The following SEC14L1 variants were observed in gnomAD, a reference collection of about 807,000 sequenced individuals.
The protein encoded by SEC14L1 is SEC14-like protein 1.
A neutral mutation model predicts 85.3 loss-of-function variants in SEC14L1; 48 were observed. The ratio of observed to expected loss-of-function variants is 0.56; its 90% CI spans 0.45 to 0.72. SEC14L1 has a LOEUF of 0.72. Ranked by LOEUF, SEC14L1 falls within the 30% of genes least tolerant of loss-of-function variation. SEC14L1 has a pLI of 0.00. For synonymous variants in SEC14L1, 391 were observed against 355.5 expected, an observed-to-expected ratio of 1.10 and a Z score of -1.12; for missense variants, 682 against 921.4, an observed-to-expected ratio of 0.74 and a Z score of 3.36.
chr17:77,211,453 A>G (rs1598407240), intron 14 of SEC14L1: 1 of 159,988 alleles, frequency 6.3e-6, no homozygotes, highest in Non-Finnish European at 1.4e-5. Flanking sequence ...CATCCCGCTC[A>G]CCCAGCCTCG....
intron 3 of SEC14L1, among the ~76,000 whole-genome samples, chr17:77,186,281 G>A (rs1975262260): frequency 1.3e-5 from 2 of 152,096 alleles, no homozygotes; most frequent in Admixed American, 6.5e-5. Flanking sequence ...GGGGGCTGTG[G>A]GTCCTGCCGC....
chr17:77,113,019 C>T (rs1479615042), intron 3 of SEC14L1, among the ~76,000 whole-genome samples: 1 of 151,804 alleles, frequency 6.6e-6, no homozygotes, highest in African/African-American at 2.4e-5. Flanking sequence ...ATTAATCAGG[C>T]ATAGTGACAT....
chr17:77,168,473 A>G (rs1407276536), intron 3 of SEC14L1, among the ~76,000 whole-genome samples: 2 of 152,218 alleles, frequency 1.3e-5, no homozygotes, highest in Non-Finnish European at 2.9e-5. Flanking sequence ...CCTACATATG[A>G]GTACACCTGT....
At chr17:77,156,795 C>A (rs1242283929) in intron 3 of SEC14L1, among the ~76,000 whole-genome samples, 1 of 152,010 alleles carries the variant, frequency 6.6e-6, no homozygotes, top group South Asian at 2.1e-4. Flanking sequence ...TGATGCAAAT[C>A]ATGTTTTGTG....
In SEC14L1 at chr17:77,171,213, T is replaced by C. The variant is rs143175543; in HGVS notation, c.64-19590T>C. Among the ~76,000 whole-genome samples, 1,246 of 152,314 alleles carry C rather than the reference T, an allele frequency of 8.2e-3. 11 individuals carry two copies. Among genetic ancestry groups the C allele is most frequent in the Middle Eastern group, 0.014 (4 of 294 alleles). ...TCCGAGAGCGGCATCACACATAGCC[T>C]GGGGACCCCAGTGAGTTCCTTGATG... On this transcript the variant is annotated intron_variant, in intron 3 of 16. Coordinates refer to ENST00000436233, the MANE Select transcript of SEC14L1 (RefSeq NM_001143998.2).
chr17:77,191,428 A>G (rs997030763), intron 5 of SEC14L1, 116 bp downstream of exon 5: 15 of 1,105,928 alleles, frequency 1.4e-5, no homozygotes, highest in Middle Eastern at 4.0e-4. Context: ...TCTTCATTAG[A>G]TGTTGTCACT....
At chr17:77,126,539 T>A (rs1256014297) in intron 3 of SEC14L1, among the ~76,000 whole-genome samples, 1 of 152,180 alleles carries the variant, frequency 6.6e-6, no homozygotes, top group Non-Finnish European at 1.5e-5. Flanking sequence ...TAAACTCAGG[T>A]TGCCAGAATC....
chr17:77,123,199 G>T (rs547517137), intron 3 of SEC14L1, among the ~76,000 whole-genome samples: 21 of 150,794 alleles, frequency 1.4e-4, no homozygotes, highest in South Asian at 1.3e-3. Context: ...ACAGGTGCTC[G>T]CCACCATGCC....
chr17:77,192,297 C>T (rs968583121), intron 5 of SEC14L1, among the ~76,000 whole-genome samples: 1 of 152,224 alleles, frequency 6.6e-6, no homozygotes. Flanking sequence ...TGCTGTATTT[C>T]TGCCCTTCTC....
chr17:77,199,353 G>GTCCTCACTCCAGGTGATGCTTTTGT (rs1975995433), intron 8 of SEC14L1: 1 of 159,816 alleles, frequency 6.3e-6, no homozygotes, highest in Non-Finnish European at 1.4e-5. Flanking sequence ...CCATCAGTGT[G>GTCCTCACTCCAGGTGATGCTTTTGT]TCCTCACTCC....
chr17:77,191,958 G>A (rs1475812963), intron 5 of SEC14L1, among the ~76,000 whole-genome samples: 3 of 151,814 alleles, frequency 2.0e-5, no homozygotes, highest in East Asian at 1.9e-4. Flanking sequence ...CACCACGCCC[G>A]GCTAATTTTT....
At chr17:77,182,286 C>T (rs1455619448) in intron 3 of SEC14L1, among the ~76,000 whole-genome samples, 1 of 152,120 alleles carries the variant, frequency 6.6e-6, no homozygotes, top group African/African-American at 2.4e-5. Context: ...TTCTTTAGCA[C>T]AGTACTAGCT....
intron 3 of SEC14L1, among the ~76,000 whole-genome samples, chr17:77,114,161 G>A (rs1002494250): frequency 6.6e-6 from 1 of 151,964 alleles, no homozygotes; most frequent in Non-Finnish European, 1.5e-5. Flanking sequence ...CCTTTGTTTG[G>A]CCACCTGGAT....
intron 3 of SEC14L1, among the ~76,000 whole-genome samples, chr17:77,120,215 A>G (rs533424166): frequency 6.6e-6 from 1 of 152,248 alleles, no homozygotes; most frequent in South Asian, 2.1e-4. Flanking sequence ...CTTTAGAAAT[A>G]AAAAATAAAT....
upstream of SEC14L1, among the ~76,000 whole-genome samples, chr17:77,136,384 CTTCT>C (rs879282309): frequency 6.0e-5 from 9 of 150,388 alleles, no homozygotes; most frequent in African/African-American, 2.2e-4. Flanking sequence ...TTCCTTCCTC[CTTCT>C]TTCTTTTGAA....
chr17:77,157,013 A>T (rs1007671418), intron 3 of SEC14L1, among the ~76,000 whole-genome samples: 2 of 152,202 alleles, frequency 1.3e-5, no homozygotes, highest in African/African-American at 4.8e-5. Flanking sequence ...TGGTAATCTG[A>T]CTTTAAGATT....
Position 77,213,472 on chromosome 17 carries a change from G to A in SEC14L1, c.2022G>A (p.Val674=). The part of the protein sequence containing the change: ...HKCKVMYYTE[V]IGSEDFRGSM... ...GTAAAGTGATGTACTACACCGAGGT[G>A]ATCGGCTCGGAGGATTTCAGGTGCG... The change falls in exon 16 of 17, where the codon GTG becomes GTA. Residue 674 remains valine, a synonymous_variant. Transcript: ENST00000436233. The surrounding 1 kb of genome is among the most constrained non-coding windows in gnomAD (Gnocchi z 7.1). The A allele has an allele frequency of 6.2e-7, 1 of 1,609,766 alleles. No individual in the cohort carries two copies. Among genetic ancestry groups the A allele is most frequent in the Non-Finnish European group, 8.5e-7 (1 of 1,180,018 alleles).
intron 3 of SEC14L1, among the ~76,000 whole-genome samples, chr17:77,120,335 G>C (rs1033743606): frequency 6.6e-6 from 1 of 152,158 alleles, no homozygotes; most frequent in Non-Finnish European, 1.5e-5. Flanking sequence ...GGATTTCCTG[G>C]AGCATGTCAC....
chr17:77,155,345 A>C (rs1307090256), intron 3 of SEC14L1, among the ~76,000 whole-genome samples: 1 of 152,118 alleles, frequency 6.6e-6, no homozygotes, highest in Non-Finnish European at 1.5e-5. Flanking sequence ...CACCCACCCC[A>C]GTAAAAACCA....
Sources: allele counts gnomAD v4.1 joint callset (sites outside exome capture counted in the v4.1 genomes callset), GRCh38; gene constraint gnomAD v4.1.1; non-coding constraint Gnocchi (gnomAD v3.1); transcripts MANE v1.5; gene names NCBI Gene and HGNC (gene_info 2026-07-23, HGNC 2026-07-21).